Variants in BICDL1 observed in about 807,000 individuals in gnomAD.
The protein encoded by BICDL1 is BICD family like cargo adaptor 1.
BICDL1 carries 20 observed loss-of-function variants against 76.8 expected under a neutral mutation model. That is an observed-to-expected ratio of 0.26 (90% confidence interval 0.18 to 0.38). The LOEUF is 0.38. Ranked by LOEUF, BICDL1 falls within the 10% of genes least tolerant of loss-of-function variation. BICDL1 has a pLI of 1.00. For synonymous variants in BICDL1, 383 were observed against 337.1 expected (o/e 1.14, Z -1.49); for missense variants, 700 against 798.6 (o/e 0.88, Z 1.49).
chr12:120,044,517 G>A (rs573163956), intron 2 of BICDL1, among the ~76,000 whole-genome samples: 1 of 152,230 alleles, frequency 6.6e-6, no homozygotes, highest in African/African-American at 2.4e-5. Context: ...CCAACTGCCC[G>A]TCTTCCCCTA....
intron 8 of BICDL1, among the ~76,000 whole-genome samples, chr12:120,083,632 T>G (rs1445961225): frequency 4.7e-5 from 3 of 63,424 alleles, no homozygotes; most frequent in African/African-American, 1.2e-4. Context: ...AATAGTAGTA[T>G]TTATTTATTT....
At chr12:120,017,733 A>G (rs576004357) in intron 2 of BICDL1, among the ~76,000 whole-genome samples, 3 of 151,716 alleles carry the variant, frequency 2.0e-5, no homozygotes, top group South Asian at 2.1e-4. Flanking sequence ...CCCTGCCTGA[A>G]AAAAAAAAGA....
intron 2 of BICDL1, among the ~76,000 whole-genome samples, chr12:120,026,640 C>T (rs894977196): frequency 2.6e-4 from 40 of 152,246 alleles, no homozygotes; most frequent in African/African-American, 9.2e-4. Flanking sequence ...AGGGCTGCTT[C>T]AGCTCAGAGG....
At chr12:120,009,277 C>T (rs1402574392) in intron 2 of BICDL1, among the ~76,000 whole-genome samples, 6 of 152,104 alleles carry the variant, frequency 3.9e-5, no homozygotes, top group South Asian at 4.1e-4. Context: ...TGAGCCACTG[C>T]GCCTGGCTGA....
intron 7 of BICDL1, among the ~76,000 whole-genome samples, chr12:120,075,887 G>A (rs888367214): frequency 1.3e-5 from 2 of 152,208 alleles, no homozygotes; most frequent in East Asian, 1.9e-4. Context: ...GGCCAGGCAC[G>A]GTGGCTCACG....
At chr12:120,087,535 G>A (rs1380121250) in intron 8 of BICDL1, among the ~76,000 whole-genome samples, 1 of 152,222 alleles carries the variant, frequency 6.6e-6, no homozygotes, top group Non-Finnish European at 1.5e-5. Context: ...CTCTGCAGGC[G>A]GATCCTCTAG....
rs1192980975 is a variant in BICDL1, at chr12:120,093,314, G to A, written c.*153G>A. On this transcript the variant is annotated 3_prime_UTR_variant, in exon 10 of 10. Coordinates refer to ENST00000548673, the MANE Select transcript of BICDL1 (RefSeq NM_001367886.1). ...CCGGGAGGGCCTGCTCCCTTTCGTC[G>A]GTGGGGATGGAGACCTAGAGGTGGG... 8.1e-6 allele frequency: 7 copies of A among 868,326 alleles called. No homozygotes were observed. The highest frequency in any genetic ancestry group is 1.0e-5 in the Non-Finnish European group (6 of 577,022). 53.8% of individuals were successfully genotyped at this position (868,326 alleles called of 1,614,324 possible).
At chr12:120,001,774 G>A (rs184401949) in intron 2 of BICDL1, among the ~76,000 whole-genome samples, 11 of 152,236 alleles carry the variant, frequency 7.2e-5, no homozygotes. Context: ...TTGGGGCTTA[G>A]CACAGTGGCT....
intron 2 of BICDL1, among the ~76,000 whole-genome samples, chr12:120,006,266 A>G (rs930328165): frequency 7.9e-5 from 12 of 152,214 alleles, no homozygotes; most frequent in African/African-American, 2.9e-4. Flanking sequence ...TGTTTGCTTT[A>G]TAATTATTTG....
At chr12:120,091,225 G>A (rs1432560370) in intron 9 of BICDL1, 10 of 1,161,304 alleles carry the variant, frequency 8.6e-6, no homozygotes, top group African/African-American at 6.4e-5. Context: ...CAGTGCTAAC[G>A]GCTGGTGCCG....
intron 2 of BICDL1, among the ~76,000 whole-genome samples, chr12:120,059,330 C>T (rs893663107): frequency 3.3e-5 from 5 of 152,044 alleles, no homozygotes; most frequent in Admixed American, 3.3e-4. Context: ...AGTGCAGTGG[C>T]TCAATCTCAA....
chr12:120,064,613 C>G (rs1011831932), intron 3 of BICDL1, 120 bp from the exon 4 acceptor site: 4 of 961,172 alleles, frequency 4.2e-6, no homozygotes, highest in South Asian at 1.8e-5. Flanking sequence ...ATGGGGGTAC[C>G]GTGACATTGG....
intron 2 of BICDL1, chr12:120,000,217 T>C (rs1951732871): frequency 6.4e-6 from 1 of 156,446 alleles, no homozygotes; most frequent in Non-Finnish European, 1.4e-5. Context: ...AGAATGTTTG[T>C]GAGAGCTGAG....
At chr12:120,001,894 A>C (rs2138625106) in intron 2 of BICDL1, among the ~76,000 whole-genome samples, 1 of 152,254 alleles carries the variant, frequency 6.6e-6, no homozygotes, top group South Asian at 2.1e-4. Context: ...TACAAAAAAA[A>C]TGTTTTTAAA....
chr12:120,092,309 A>C (rs1875040794), intron 9 of BICDL1: 11 of 985,354 alleles, frequency 1.1e-5, no homozygotes, highest in Non-Finnish European at 1.3e-5. Context: ...AACGAATTCG[A>C]GTTGGGGGAC....
At chr12:120,056,945 G>C in intron 2 of BICDL1, 1 of 408,538 alleles carries the variant, frequency 2.4e-6, no homozygotes, top group South Asian at 1.9e-5. Context: ...GCTCTACAGA[G>C]CAGAGGGGAG....
intron 1 of BICDL1, among the ~76,000 whole-genome samples, chr12:119,990,587 T>C (rs183142358): frequency 6.6e-6 from 1 of 152,354 alleles, no homozygotes; most frequent in Admixed American, 6.5e-5. Context: ...TATGACTATA[T>C]AGCACTGAGG....
At chr12:120,060,109 A>G (rs1041134067) in intron 2 of BICDL1, among the ~76,000 whole-genome samples, 10 of 152,346 alleles carry the variant, frequency 6.6e-5, no homozygotes, top group African/African-American at 2.2e-4. Flanking sequence ...GGGGGTAACA[A>G]TCAAGATAAT....
chr12:120,013,629 T>C (rs1952003679), intron 2 of BICDL1, among the ~76,000 whole-genome samples: 2 of 151,962 alleles, frequency 1.3e-5, no homozygotes, highest in African/African-American at 4.8e-5. Flanking sequence ...GCCTGGCTAA[T>C]TTTTGTATTT....
Sources: allele counts gnomAD v4.1 joint callset (sites outside exome capture counted in the v4.1 genomes callset), GRCh38; gene constraint gnomAD v4.1.1; transcripts MANE v1.5; gene names NCBI Gene and HGNC (gene_info 2026-07-23, HGNC 2026-07-21).